Variants in TRIP4 observed in about 807,000 individuals in gnomAD.
The protein encoded by TRIP4 is thyroid hormone receptor interactor 4.
Under a neutral mutation model 81.8 loss-of-function variants are expected in TRIP4, and 54 were observed. The observed-to-expected ratio is 0.66, with a 90% confidence interval of 0.53 to 0.83. The LOEUF (loss-of-function observed/expected upper bound fraction) is 0.83. TRIP4 is among the 40% of genes least tolerant of loss of function. TRIP4 has a pLI of 0.00. For synonymous variants in TRIP4, 270 were observed against 242.8 expected (o/e 1.11, Z -1.04); for missense variants, 662 against 683.6 (o/e 0.97, Z 0.35).
At position 64,406,463 on chromosome 15, in the gene TRIP4, T is replaced by C; in HGVS notation, c.827+4T>C. On this transcript the variant is annotated splice_donor_region_variant and intron_variant, in intron 6 of 12. Transcript: ENST00000261884. ...TGTTAGAGTTTGACAGAACTAGGTA[T>C]GAAAGGGTTAGAATAACAAATGCTA... The C allele has an allele frequency of 6.2e-7, 1 of 1,612,964 alleles. No homozygotes were observed. The highest frequency in any genetic ancestry group is 8.5e-7 in the Non-Finnish European group (1 of 1,179,708).
chr15:64,449,218 A>G (rs1265906741), intron 12 of TRIP4, among the ~76,000 whole-genome samples: 6 of 152,162 alleles, frequency 3.9e-5, no homozygotes, highest in East Asian at 3.9e-4. Context: ...TCTCTAAAAA[A>G]AAAAAATTAA....
At chr15:64,450,814 C>T in intron 12 of TRIP4, 2 of 452,628 alleles carry the variant, frequency 4.4e-6, no homozygotes, top group South Asian at 3.1e-5. Context: ...GTGTTTTATT[C>T]TGATGGGTTG....
At chr15:64,416,780 T>C (rs1165923304) in intron 8 of TRIP4, among the ~76,000 whole-genome samples, 1 of 152,170 alleles carries the variant, frequency 6.6e-6, no homozygotes, top group Non-Finnish European at 1.5e-5. Flanking sequence ...GTTAATGTGC[T>C]TTTCACAGTT....
intron 12 of TRIP4, among the ~76,000 whole-genome samples, chr15:64,449,461 A>G (rs1049809944): frequency 6.6e-6 from 1 of 151,816 alleles, no homozygotes; most frequent in Non-Finnish European, 1.5e-5. Flanking sequence ...GAGCCTCCCA[A>G]GTAGCTGGAA....
rs368346982 is a variant in TRIP4, at chr15:64,409,734, C to G, written c.949C>G (p.Arg317Gly). ...GCGAGAGGAGGAGCTGAGAGAACTT[C>G]GACACGCCTCTCGACTTTCTAAGAA... is the stretch of plus-strand genomic sequence containing the variant. ...QKREEELREL[R>G]HASRLSKKVT... is the part of the protein sequence containing the mutation. The change falls in exon 7 of 13, where the codon CGA (arginine) becomes GGA (glycine). Residue 317 changes from arginine to glycine, a missense_variant. Arg to Gly is a moderately radical substitution (Grantham distance 125). Coordinates refer to ENST00000261884, the MANE Select transcript of TRIP4 (RefSeq NM_016213.5). The G allele has an allele frequency of 6.2e-7, 1 of 1,614,096 alleles. No individual in the cohort carries two copies. The highest frequency in any genetic ancestry group is 1.3e-5 in the African/African-American group (1 of 75,024).
Position 64,397,824 on chromosome 15 carries a change from T to A in TRIP4, c.618+6T>A, listed in dbSNP as rs1179180742. ...GCTTATTCTGTGGCACTCTGGTAAA[T>A]TATTTCTTTTCTATTTTATTTTACT... On this transcript the variant is annotated splice_donor_region_variant and intron_variant, in intron 4 of 12. Coordinates refer to ENST00000261884, the MANE Select transcript of TRIP4 (RefSeq NM_016213.5). 3.7e-6 allele frequency: 6 copies of A among 1,613,368 alleles called. No individual in the cohort carries two copies. The highest frequency in any genetic ancestry group is 5.1e-6 in the Non-Finnish European group (6 of 1,179,648).
At chr15:64,414,676 C>A (rs1222171171) in intron 8 of TRIP4, among the ~76,000 whole-genome samples, 1 of 151,728 alleles carries the variant, frequency 6.6e-6, no homozygotes, top group African/African-American at 2.4e-5. Flanking sequence ...GCTACCACGC[C>A]CAGCGAATTT....
At chr15:64,452,539 C>T (rs1053096833) in intron 12 of TRIP4, among the ~76,000 whole-genome samples, 5 of 152,188 alleles carry the variant, frequency 3.3e-5, no homozygotes, top group Non-Finnish European at 5.9e-5. Flanking sequence ...GTGTAATACA[C>T]GTAGCTCAGT....
At chr15:64,391,828 G>T (rs530047485) in intron 1 of TRIP4, among the ~76,000 whole-genome samples, 2 of 151,368 alleles carry the variant, frequency 1.3e-5, no homozygotes, top group African/African-American at 4.9e-5. Context: ...AAAATTAGCC[G>T]GGCGCAGTGG....
At position 64,394,188 on chromosome 15, in the gene TRIP4, T is replaced by A. The variant is rs77527142; in HGVS notation, c.271+73T>A. On this transcript the variant is annotated intron_variant, in intron 2 of 12. Coordinates refer to ENST00000261884, the MANE Select transcript of TRIP4 (RefSeq NM_016213.5). The stretch of plus-strand genomic sequence containing the variant: ...GGCTTAAAGAATTATTATTATTATT[T>A]TTTTTTTTGCCATCTTGTGTTTCTT... The A allele has an allele frequency of 6.4e-3, 8,474 of 1,319,374 alleles. 207 individuals are homozygous for A. In the African/African-American group the frequency reaches 0.078, roughly 12 times the overall value. The allele number at this position is 1,319,374 out of a possible 1,614,324, so 81.7% of individuals were successfully genotyped here.
At chr15:64,430,455 A>G (rs750542007) in intron 11 of TRIP4, among the ~76,000 whole-genome samples, 1 of 152,226 alleles carries the variant, frequency 6.6e-6, no homozygotes, top group Non-Finnish European at 1.5e-5. Flanking sequence ...GACTGCAACA[A>G]TGCATCAAGG....
intron 12 of TRIP4, among the ~76,000 whole-genome samples, chr15:64,448,892 A>G (rs1347969616): frequency 3.3e-5 from 5 of 152,108 alleles, no homozygotes; most frequent in Admixed American, 1.3e-4. Context: ...TTATTACATG[A>G]AGTGATTAAG....
intron 11 of TRIP4, among the ~76,000 whole-genome samples, chr15:64,435,194 A>T (rs947576469): frequency 8.1e-6 from 1 of 123,476 alleles, no homozygotes; most frequent in Non-Finnish European, 1.6e-5. Context: ...AGCCTGAGTG[A>T]CAGAGTGAGA....
intron 7 of TRIP4, among the ~76,000 whole-genome samples, chr15:64,411,181 GAGA>G (rs1446003504): frequency 1.3e-5 from 2 of 152,144 alleles, no homozygotes; most frequent in Non-Finnish European, 2.9e-5. Context: ...AAGGAGCACA[GAGA>G]AGATTTTTAA....
chr15:64,388,016 C>G, intron 1 of TRIP4, 52 bp downstream of exon 1: 1 of 1,491,152 alleles, frequency 6.7e-7, no homozygotes, highest in African/African-American at 1.4e-5. Flanking sequence ...TGTGCACTGC[C>G]TGAGCGAACC....
At chr15:64,447,155 A>G (rs1427259208) in intron 12 of TRIP4, among the ~76,000 whole-genome samples, 1 of 152,178 alleles carries the variant, frequency 6.6e-6, no homozygotes, top group Non-Finnish European at 1.5e-5. Context: ...CACATATAGT[A>G]GTGGTGTCCT....
At chr15:64,402,324 G>C (rs1187764263) in intron 5 of TRIP4, among the ~76,000 whole-genome samples, 1 of 151,268 alleles carries the variant, frequency 6.6e-6, no homozygotes, top group Non-Finnish European at 1.5e-5. Context: ...CCAGGTTCAA[G>C]CGATTCTTCT....
At chr15:64,452,608 TAGTA>T (rs977205383) in intron 12 of TRIP4, among the ~76,000 whole-genome samples, 3 of 152,228 alleles carry the variant, frequency 2.0e-5, no homozygotes, top group African/African-American at 4.8e-5. Context: ...TTCTGTGTGT[TAGTA>T]AGGGCTTTTT....
intron 9 of TRIP4, among the ~76,000 whole-genome samples, chr15:64,420,433 C>G (rs140356568): frequency 4.0e-4 from 61 of 151,556 alleles, no homozygotes; most frequent in African/African-American, 1.5e-3. Flanking sequence ...TTCTATTTTT[C>G]TTGTGTAAAT....
Sources: gnomAD v4.1 joint callset for allele counts (sites outside exome capture counted in the v4.1 genomes callset) on GRCh38, gnomAD v4.1.1 for gene constraint, MANE v1.5 for transcripts, NCBI Gene and HGNC (gene_info 2026-07-23, HGNC 2026-07-21) for gene names.